PDE4D: variants seen among roughly 807,000 people sequenced by gnomAD.
The protein encoded by PDE4D is 3',5'-cyclic-AMP phosphodiesterase 4D.
A neutral mutation model predicts 87.4 loss-of-function variants in PDE4D; 24 were observed. The ratio of observed to expected loss-of-function variants is 0.27; its 90% CI spans 0.20 to 0.39. The LOEUF is 0.39. Ranked by LOEUF, PDE4D falls within the 10% of genes least tolerant of loss-of-function variation. The probability of loss-of-function intolerance (pLI) is 1.00; values close to 1 mark genes in which losing one functional copy is unlikely to be tolerated. For missense variants in PDE4D, 714 were observed against 1,041.0 expected, an observed-to-expected ratio of 0.69 and a Z score of 4.32; for synonymous variants, 384 against 383.2, an observed-to-expected ratio of 1.00 and a Z score of -0.02.
chr5:59,214,972 T>C (rs1750908047), intron 2 of PDE4D, among the ~76,000 whole-genome samples: 1 of 152,172 alleles, frequency 6.6e-6, no homozygotes, highest in Non-Finnish European at 1.5e-5. Context: ...AGATGGTGAA[T>C]GTTATTGGAC....
intron 5 of PDE4D, chr5:59,039,344 G>T (rs1759190029): frequency 1.9e-6 from 2 of 1,036,898 alleles, no homozygotes; most frequent in Non-Finnish European, 2.3e-6. Context: ...ATGGCGAGGG[G>T]GTGGCGAGCG....
chr5:59,108,701 C>T (rs951942431), intron 5 of PDE4D, among the ~76,000 whole-genome samples: 1 of 152,094 alleles, frequency 6.6e-6, no homozygotes, highest in Non-Finnish European at 1.5e-5. Flanking sequence ...CTAGACCAGC[C>T]TGGCCAACAT....
chr5:59,359,689 C>A lies in PDE4D; in HGVS notation c.456-143721G>T, dbSNP rs1781907586. 2.0e-5 allele frequency among the ~76,000 whole-genome samples: 3 copies of A among 152,150 alleles called. No homozygotes were observed. In the South Asian group the frequency reaches 6.2e-4, roughly 32 times the overall value. ...AACAAGCTGTTTATAATTTTTACTT[C>A]ATGGGTATCAAAGAGTATAAAAGAA... On this transcript the variant is annotated intron_variant, in intron 1 of 14. Coordinates refer to ENST00000340635, the MANE Select transcript of PDE4D (RefSeq NM_001104631.2).
At chr5:58,999,867 A>G in intron 6 of PDE4D, 1 of 986,820 alleles carries the variant, frequency 1.0e-6, no homozygotes, top group Non-Finnish European at 1.2e-6. Flanking sequence ...CTTAATGAAT[A>G]ATGTATGTCA....
At chr5:59,398,228 T>G (rs1470035064) in intron 1 of PDE4D, among the ~76,000 whole-genome samples, 5 of 122,226 alleles carry the variant, frequency 4.1e-5, no homozygotes, top group Non-Finnish European at 7.0e-5. Context: ...TAACTCATTT[T>G]ATGAGGCCAG....
intron 3 of PDE4D, among the ~76,000 whole-genome samples, chr5:59,968,112 G>C (rs550540746): frequency 2.7e-5 from 4 of 150,136 alleles, no homozygotes; most frequent in Non-Finnish European, 5.9e-5. Context: ...AGCCTCCCGA[G>C]TAGCTGGGAT....
intron 2 of PDE4D, among the ~76,000 whole-genome samples, chr5:60,010,808 A>AT (rs989515885): frequency 1.3e-5 from 2 of 152,142 alleles, no homozygotes; most frequent in African/African-American, 4.8e-5. Flanking sequence ...GGTAGTAATG[A>AT]TTTTTTAAAC....
chr5:59,864,150 G>C (rs1746678312), intron 1 of PDE4D, among the ~76,000 whole-genome samples: 1 of 152,158 alleles, frequency 6.6e-6, no homozygotes, highest in Admixed American at 6.5e-5. Flanking sequence ...TTAGTGCGAT[G>C]TGCGGGTAGA....
At position 58,991,838 on chromosome 5, in the gene PDE4D, A is replaced by G. The variant is rs1001697791; in HGVS notation, c.1182T>C (p.Leu394=). The G allele has an allele frequency of 6.1e-6, 9 of 1,486,372 alleles. No individual in the cohort carries two copies. The Admixed American group carries it at 1.6e-4, about 27-fold the overall frequency. The allele number at this position is 1,486,372 out of a possible 1,614,324, so 92.1% of individuals were successfully genotyped here. A position where few individuals can be genotyped will look rare whatever the true frequency, so the allele number is the denominator to read the frequency against. The part of the protein sequence containing the change: ...FGVKTEQEDV[L]AKELEDVNKW... ...ATCTTTGAAATCATCATACCTTGGC[A>G]AGGACATCTTCTTGTTCAGTTTTAA... Residue 394 remains leucine (L), a synonymous_variant, in exon 8 of 15, where the codon CTT becomes CTC. Coordinates refer to ENST00000340635, the MANE Select transcript of PDE4D (RefSeq NM_001104631.2).
chr5:60,160,063 C>T (rs1196898054), intron 2 of PDE4D, among the ~76,000 whole-genome samples: 1 of 152,140 alleles, frequency 6.6e-6, no homozygotes, highest in African/African-American at 2.4e-5. Flanking sequence ...TCAGCCTACT[C>T]AACATGAAGA....
intron 1 of PDE4D, among the ~76,000 whole-genome samples, chr5:59,681,191 G>T (rs1173001684): frequency 6.6e-6 from 1 of 152,092 alleles, no homozygotes; most frequent in African/African-American, 2.4e-5. Flanking sequence ...AGTACTCAAA[G>T]AATGATAGTA....
intron 3 of PDE4D, among the ~76,000 whole-genome samples, chr5:59,902,846 G>C (rs1301951868): frequency 6.6e-6 from 1 of 152,124 alleles, no homozygotes; most frequent in African/African-American, 2.4e-5. Flanking sequence ...TAACTGGGCA[G>C]ACTTTTAAAA....
chr5:60,514,943 T>C (rs1750729890), intron 1 of PDE4D, among the ~76,000 whole-genome samples: 1 of 152,168 alleles, frequency 6.6e-6, no homozygotes, highest in South Asian at 2.1e-4. Flanking sequence ...GAAAAGAATC[T>C]ATAGCTGAAG....
intron 1 of PDE4D, among the ~76,000 whole-genome samples, chr5:59,404,287 C>G (rs1366092602): frequency 6.6e-6 from 1 of 152,128 alleles, no homozygotes; most frequent in African/African-American, 2.4e-5. Context: ...CTTTGCTACG[C>G]AGGTATTTTT....
chr5:59,017,298 A>G (rs946082523), intron 6 of PDE4D, among the ~76,000 whole-genome samples: 5 of 152,206 alleles, frequency 3.3e-5, no homozygotes, highest in African/African-American at 1.2e-4. Context: ...GGCAAAACTG[A>G]CAAGACTTGA....
chr5:59,193,908 G>A (rs900193330), intron 2 of PDE4D: 5 of 309,492 alleles, frequency 1.6e-5, no homozygotes, highest in Non-Finnish European at 2.4e-5. Flanking sequence ...GCAATGCAGT[G>A]ACTTCAGTGA....
chr5:59,601,124 T>C (rs1333798227), intron 1 of PDE4D, among the ~76,000 whole-genome samples: 1 of 152,128 alleles, frequency 6.6e-6, no homozygotes, highest in East Asian at 1.9e-4. Context: ...AGAGAAACAC[T>C]AGGTGACTAA....
chr5:59,309,595 C>T (rs993505988), intron 1 of PDE4D, among the ~76,000 whole-genome samples: 2 of 152,146 alleles, frequency 1.3e-5, no homozygotes, highest in African/African-American at 4.8e-5. Flanking sequence ...AGTTGGGGTA[C>T]TCACAGTATT....
chr5:59,177,134 G>A (rs923876915), intron 5 of PDE4D, among the ~76,000 whole-genome samples: 8 of 152,064 alleles, frequency 5.3e-5, no homozygotes, highest in Admixed American at 4.6e-4. Context: ...TTTGGAGGCC[G>A]GGCCTGTGGG....
Sources: allele counts gnomAD v4.1 joint callset (sites outside exome capture counted in the v4.1 genomes callset), GRCh38; gene constraint gnomAD v4.1.1; transcripts MANE v1.5; gene names NCBI Gene and HGNC (gene_info 2026-07-23, HGNC 2026-07-21).